The following RELN variants were observed in gnomAD, a reference collection of about 807,000 sequenced individuals.
RELN encodes reelin.
A neutral mutation model predicts 427.6 loss-of-function variants in RELN; 108 were observed. The ratio of observed to expected loss-of-function variants is 0.25; its 90% CI spans 0.22 to 0.30. RELN has a LOEUF of 0.30. RELN is among the 10% of genes least tolerant of loss of function. The probability of loss-of-function intolerance (pLI) is 1.00; values close to 1 mark genes in which losing one functional copy is unlikely to be tolerated. For missense variants in RELN, 3,715 were observed against 4,302.8 expected (o/e 0.86, Z 3.82); for synonymous variants, 1,524 against 1,513.4 (o/e 1.01, Z -0.16).
chr7:103,503,707 C>T (rs1184029224), intron 51 of RELN, among the ~76,000 whole-genome samples: 1 of 151,944 alleles, frequency 6.6e-6, no homozygotes, highest in Admixed American at 6.6e-5. Flanking sequence ...GGCACAGCAC[C>T]CTTCGTTGAT....
At chr7:103,776,944 A>G (rs77324761) in intron 3 of RELN, among the ~76,000 whole-genome samples, 2,360 of 152,322 alleles carry the variant, frequency 0.015, 59 homozygotes, top group African/African-American at 0.054. Context: ...CTTCTTCAGG[A>G]GCCTTTGATA....
intron 44 of RELN, chr7:103,539,534 T>C: frequency 1.7e-6 from 1 of 593,634 alleles, no homozygotes; most frequent in South Asian, 2.0e-5. Context: ...ACAAAACAAA[T>C]CAAAGGATTG....
chr7:103,683,750 C>A (rs555816451), intron 10 of RELN, among the ~76,000 whole-genome samples: 1 of 152,198 alleles, frequency 6.6e-6, no homozygotes, highest in Admixed American at 6.5e-5. Flanking sequence ...AAATTCTCTT[C>A]TTTAGAGTCT....
chr7:103,589,924 G>C, intron 27 of RELN, 96 bp from the exon 28 acceptor site: 1 of 754,518 alleles, frequency 1.3e-6, no homozygotes, highest in Non-Finnish European at 2.4e-6. Flanking sequence ...CTTCCAATGG[G>C]TCTGCACTGA....
intron 11 of RELN, among the ~76,000 whole-genome samples, chr7:103,668,733 AC>A (rs1833325565): frequency 6.6e-6 from 1 of 152,178 alleles, no homozygotes; most frequent in Non-Finnish European, 1.5e-5. Context: ...TCGCAAATTA[AC>A]CAGGAGCCTC....
chr7:103,921,321 T>G (rs112675158), intron 1 of RELN, among the ~76,000 whole-genome samples: 3,747 of 152,204 alleles, frequency 0.025, 145 homozygotes, highest in African/African-American at 0.085. Flanking sequence ...CTTAAATAGG[T>G]AAACTCCTAT....
At chr7:103,638,375 C>T (rs959954888) in intron 17 of RELN, among the ~76,000 whole-genome samples, 4 of 152,116 alleles carry the variant, frequency 2.6e-5, no homozygotes, top group African/African-American at 7.2e-5. Flanking sequence ...AGAACCAGGC[C>T]TGGGATTGTA....
intron 8 of RELN, among the ~76,000 whole-genome samples, chr7:103,703,079 G>A (rs1041933849): frequency 7.9e-5 from 12 of 152,176 alleles, no homozygotes; most frequent in African/African-American, 2.7e-4. Context: ...GGAAGACCAT[G>A]ATTGGAGCTC....
chr7:103,819,342 A>T (rs934167216), intron 3 of RELN, among the ~76,000 whole-genome samples: 1 of 152,150 alleles, frequency 6.6e-6, no homozygotes, highest in African/African-American at 2.4e-5. Flanking sequence ...CCAAAAAAAA[A>T]TTAACTCAAT....
At chr7:103,501,642 T>C (rs1196853060) in intron 52 of RELN, among the ~76,000 whole-genome samples, 2 of 152,162 alleles carry the variant, frequency 1.3e-5, no homozygotes, top group Non-Finnish European at 2.9e-5. Context: ...GGTGGTTACA[T>C]GGGTTACACA....
At chr7:103,659,706 G>T (rs2117408052) in intron 12 of RELN, among the ~76,000 whole-genome samples, 1 of 152,198 alleles carries the variant, frequency 6.6e-6, no homozygotes, top group Middle Eastern at 3.4e-3. Context: ...ATAGTCAGAT[G>T]GTACTTGTGG....
intron 51 of RELN, among the ~76,000 whole-genome samples, chr7:103,506,585 C>G (rs908757890): frequency 2.6e-4 from 39 of 152,160 alleles, no homozygotes; most frequent in Non-Finnish European, 5.0e-4. Flanking sequence ...AAGGAACAAC[C>G]AGTACCAGCC....
At chr7:103,730,235 C>T (rs2299375) in intron 6 of RELN, among the ~76,000 whole-genome samples, 36,347 of 152,008 alleles carry the variant, frequency 0.24, 4,522 homozygotes, top group South Asian at 0.38. Context: ...TGAACTTCTA[C>T]AGCAATCATT....
At chr7:103,548,390 T>A (rs753289286) in intron 41 of RELN, among the ~76,000 whole-genome samples, 1 of 152,240 alleles carries the variant, frequency 6.6e-6, no homozygotes, top group African/African-American at 2.4e-5. Flanking sequence ...CCATGTTGAA[T>A]ACCAACCAAG....
chr7:103,710,614 C>A (rs1464298966), intron 8 of RELN, among the ~76,000 whole-genome samples: 1 of 152,146 alleles, frequency 6.6e-6, no homozygotes, highest in Non-Finnish European at 1.5e-5. Flanking sequence ...TTCTAAAAAT[C>A]TAAATGACAT....
intron 2 of RELN, among the ~76,000 whole-genome samples, chr7:103,863,935 A>G (rs908261206): frequency 6.6e-6 from 1 of 152,138 alleles, no homozygotes; most frequent in South Asian, 2.1e-4. Flanking sequence ...CATGTTGCAC[A>G]AAACAAATGG....
intron 3 of RELN, among the ~76,000 whole-genome samples, chr7:103,820,375 A>T (rs933034048): frequency 1.3e-5 from 2 of 152,024 alleles, no homozygotes; most frequent in African/African-American, 4.8e-5. Flanking sequence ...TTCCATGCCA[A>T]ATCCCTTAAA....
intron 8 of RELN, among the ~76,000 whole-genome samples, chr7:103,705,080 T>C (rs1365359691): frequency 6.6e-6 from 1 of 152,194 alleles, no homozygotes; most frequent in Admixed American, 6.5e-5. Context: ...GCCCTTTTCC[T>C]CTTACTCTCA....
At chr7:103,579,390 C>A (rs949105068) in intron 28 of RELN, among the ~76,000 whole-genome samples, 7 of 152,010 alleles carry the variant, frequency 4.6e-5, no homozygotes, top group Non-Finnish European at 8.8e-5. Context: ...CTTAGTGTTA[C>A]GAGTTCGAGA....
Sources: gnomAD v4.1 joint callset for allele counts (sites outside exome capture counted in the v4.1 genomes callset) on GRCh38, gnomAD v4.1.1 for gene constraint, MANE v1.5 for transcripts, NCBI Gene and HGNC (gene_info 2026-07-23, HGNC 2026-07-21) for gene names.